Variants in DNAH5 observed in about 807,000 individuals in gnomAD.
DNAH5 encodes the protein axonemal beta dynein heavy chain 5.
DNAH5 carries 372 observed loss-of-function variants against 518.2 expected under a neutral mutation model. The observed-to-expected ratio is 0.72, with a 90% CI of 0.66 to 0.78. The LOEUF (loss-of-function observed/expected upper bound fraction) is 0.78. Among genes scored for constraint, DNAH5 ranks in the 30% least tolerant of loss-of-function variants. The pLI, the probability that DNAH5 is intolerant of heterozygous loss-of-function variation, is 0.00. For missense variants in DNAH5, 5,523 were observed against 5,687.0 expected, an observed-to-expected ratio of 0.97 and a Z score of 0.93; for synonymous variants, 2,039 against 2,025.9, an observed-to-expected ratio of 1.01 and a Z score of -0.17.
At chr5:13,972,517 C>T (rs1008481954) in intron 1 of DNAH5, among the ~76,000 whole-genome samples, 20 of 152,156 alleles carry the variant, frequency 1.3e-4, no homozygotes, top group African/African-American at 4.6e-4. Context: ...GGACTCTTCC[C>T]GCTGCTTCCT....
At position 13,807,650 on chromosome 5, in the gene DNAH5, C is replaced by G. The variant is rs756641072; in HGVS notation, c.7828G>C (p.Glu2610Gln). 6.2e-7 allele frequency: 1 copy of G among 1,612,476 alleles called. No individual in the cohort carries two copies. Among genetic ancestry groups the G allele is most frequent in the Admixed American group, 1.7e-5 (1 of 59,968 alleles). ...IKGFMSKYDP[E>Q]CHMIKSLNFS... Reference sequence around the variant, plus strand: ...TTCAGACTCTTGATCATGTGACATTCAGGATCATATTTTGACATAAATCCT... The same window carrying G: ...TTCAGACTCTTGATCATGTGACATTGAGGATCATATTTTGACATAAATCCT... The change falls in exon 47 of 79, where the codon GAA (glutamate) becomes CAA (glutamine). Residue 2610 changes from glutamate to glutamine, a missense_variant. By Grantham distance (29) the Glu-to-Gln change is conservative. This residue lies in a region of DNAH5 where 5,121 missense variants were observed against 5,223.3 expected (regional missense o/e 0.98). Coordinates refer to ENST00000265104, the MANE Select transcript of DNAH5 (RefSeq NM_001369.3).
intron 47 of DNAH5, among the ~76,000 whole-genome samples, chr5:13,799,883 GTGTGTATTTATTAAAA>G (rs1230184154): frequency 2.6e-5 from 4 of 152,116 alleles, no homozygotes; most frequent in South Asian, 2.1e-4. Context: ...ATGTATGTAT[GTGTGTATTTATTAAAA>G]TGTGTATTTA....
At chr5:13,697,046 C>T (rs111860727) in intron 78 of DNAH5, among the ~76,000 whole-genome samples, 39 of 152,078 alleles carry the variant, frequency 2.6e-4, no homozygotes, top group African/African-American at 8.2e-4. Context: ...GTCAAATTGC[C>T]GTGGATTTTT....
At chr5:13,981,804 G>T (rs1351535235) in intron 1 of DNAH5, among the ~76,000 whole-genome samples, 1 of 152,184 alleles carries the variant, frequency 6.6e-6, no homozygotes, top group Admixed American at 6.5e-5. Flanking sequence ...AAGAGTTACA[G>T]AAAAGTAAAA....
chr5:13,727,162 A>T (rs1745857021), intron 70 of DNAH5, among the ~76,000 whole-genome samples: 1 of 152,206 alleles, frequency 6.6e-6, no homozygotes, highest in Non-Finnish European at 1.5e-5. Context: ...ACTACCAGCA[A>T]AATGGAGCAG....
chr5:13,884,923 C>A, intron 19 of DNAH5, 66 bp downstream of exon 19: 1 of 1,609,940 alleles, frequency 6.2e-7, no homozygotes, highest in Non-Finnish European at 8.5e-7. Context: ...TGCACACACA[C>A]ACACACACAC....
At position 13,882,776 on chromosome 5, in the gene DNAH5, T is replaced by C; in HGVS notation, c.3214A>G (p.Asn1072Asp). The C allele has an allele frequency of 6.2e-7, 1 of 1,614,170 alleles. No individual in the cohort carries two copies. The highest frequency in any genetic ancestry group is 8.5e-7 in the Non-Finnish European group (1 of 1,179,962). Reference protein sequence around the residue: ...QERKMAALQSNEDSDSDVEMG... With the variant: ...QERKMAALQSDEDSDSDVEMG... Reference sequence around the variant, plus strand: ...TCAACATCAGAATCACTGTCTTCATTACTCTGCAAAGCAGCCATTTTTCTT... The same window carrying C: ...TCAACATCAGAATCACTGTCTTCATCACTCTGCAAAGCAGCCATTTTTCTT... Residue 1072 changes from asparagine to aspartate, a missense_variant, in exon 21 of 79, where the codon AAT (asparagine) becomes GAT (aspartate). Asn to Asp is a conservative substitution (Grantham distance 23). This residue lies in a region of DNAH5 where 5,121 missense variants were observed against 5,223.3 expected (regional missense o/e 0.98). Transcript: ENST00000265104.
chr5:13,776,578 G>A lies in DNAH5; in HGVS notation c.9234C>T (p.Val3078=), dbSNP rs1488280893. ...ENLHDYFMSR[V]RQNLHIVLCF... ...AGAGCACAATATGAAGGTTCTGTCG[G>A]ACCCGACTCATGAAGTAGTCGTGCA... The change falls in exon 55 of 79, where the codon GTC becomes GTT. Residue 3078 remains valine, a synonymous_variant. Transcript: ENST00000265104. The A allele has an allele frequency of 6.2e-6, 10 of 1,613,906 alleles. No homozygotes were observed. Among genetic ancestry groups the A allele is most frequent in the Non-Finnish European group, 8.5e-6 (10 of 1,179,866 alleles).
intron 15 of DNAH5, among the ~76,000 whole-genome samples, chr5:13,895,566 GTCTACCTCAGCCC>G (rs1278055027): frequency 1.3e-5 from 2 of 152,274 alleles, no homozygotes; most frequent in East Asian, 3.9e-4. Flanking sequence ...GTCGCCAGAG[GTCTACCTCAGCCC>G]TTTGCTAGGA....
chr5:13,767,837 G>C (rs1243092849), intron 58 of DNAH5, among the ~76,000 whole-genome samples: 1 of 152,150 alleles, frequency 6.6e-6, no homozygotes, highest in Non-Finnish European at 1.5e-5. Context: ...CTAACATCTG[G>C]AGGTATTTTT....
chr5:13,992,723 T>C (rs1259666073), intron 1 of DNAH5, among the ~76,000 whole-genome samples: 1 of 152,262 alleles, frequency 6.6e-6, no homozygotes, highest in Non-Finnish European at 1.5e-5. Context: ...ATGTCATTAT[T>C]TCCCAATACT....
At chr5:14,009,593 T>G (rs755713888) in intron 1 of DNAH5, among the ~76,000 whole-genome samples, 5 of 152,228 alleles carry the variant, frequency 3.3e-5, no homozygotes, top group Non-Finnish European at 5.9e-5. Context: ...AATCTTGGAC[T>G]AGTGGCACTA....
chr5:13,719,539 A>G (rs1468038143), intron 71 of DNAH5, among the ~76,000 whole-genome samples: 2 of 152,218 alleles, frequency 1.3e-5, no homozygotes, highest in African/African-American at 2.4e-5. Flanking sequence ...GGTTCAGGAA[A>G]GTTGAATCCT....
chr5:13,977,951 C>A (rs1782389656), intron 1 of DNAH5, among the ~76,000 whole-genome samples: 1 of 152,176 alleles, frequency 6.6e-6, no homozygotes, highest in South Asian at 2.1e-4. Flanking sequence ...ACATTCCAGG[C>A]CCTAAACCTG....
In DNAH5 at chr5:13,900,231, T is replaced by C; in HGVS notation, c.2234A>G (p.Tyr745Cys). The C allele has an allele frequency of 1.2e-6, 2 of 1,614,108 alleles. No homozygotes were observed. The highest frequency in any genetic ancestry group is 1.7e-6 in the Non-Finnish European group (2 of 1,179,920). The part of the protein sequence containing the change: ...ATSLFQKRDR[Y>C]KRNFSNMKMM... ...CTTCATGTTACTGAAGTTCCTTTTG[T>C]ATCTATCTCGTTTCTGGAAGAGGGA... is the stretch of plus-strand genomic sequence containing the variant. Residue 745 changes from tyrosine (Y) to cysteine (C), a missense_variant, in exon 15 of 79, where the codon TAC becomes TGC. By Grantham distance (194) the Tyr-to-Cys change is radical (BLOSUM62 -2). Transcript: ENST00000265104.
chr5:13,902,210 C>T (rs778755696), intron 12 of DNAH5, 72 bp from the exon 13 acceptor site: 15 of 1,128,360 alleles, frequency 1.3e-5, no homozygotes, highest in Non-Finnish European at 1.8e-5. Context: ...GATAAAAGAG[C>T]TTTCCATTCT....
chr5:13,900,463 A>G (rs1774456279), intron 14 of DNAH5, 51 bp from the exon 15 acceptor site: 1 of 1,424,826 alleles, frequency 7.0e-7, no homozygotes. Context: ...ATTCATGCAG[A>G]GTATCTAGCT....
At chr5:13,947,646 CT>C (rs1780037424), upstream of DNAH5, among the ~76,000 whole-genome samples, 1 of 152,170 alleles carries the variant, frequency 6.6e-6, no homozygotes, top group African/African-American at 2.4e-5. Context: ...AAATTTTGCT[CT>C]CAATTTCTGA....
chr5:13,977,554 C>T (rs956510166), intron 1 of DNAH5, among the ~76,000 whole-genome samples: 2 of 152,168 alleles, frequency 1.3e-5, no homozygotes, highest in African/African-American at 4.8e-5. Flanking sequence ...TCCTCCCTCC[C>T]CTCAATTTTC....
Sources: gnomAD v4.1 joint callset for allele counts (sites outside exome capture counted in the v4.1 genomes callset) on GRCh38, gnomAD v4.1.1 for gene constraint, gnomAD v4.1.1 regional missense constraint, MANE v1.5 for transcripts, NCBI Gene and HGNC (gene_info 2026-07-23, HGNC 2026-07-21) for gene names.